CASZ1: variants seen among roughly 807,000 people sequenced by gnomAD.
The protein encoded by CASZ1 is zinc finger protein castor homolog 1.
CASZ1 carries 28 observed loss-of-function variants against 135.2 expected under a neutral mutation model. The observed-to-expected ratio is 0.21, with a 90% CI of 0.15 to 0.28. CASZ1 has a LOEUF of 0.28. CASZ1 is among the 10% of genes least tolerant of loss of function. The pLI is 1.00. For missense variants in CASZ1, 2,161 were observed against 2,453.3 expected (o/e 0.88, Z 2.52); for synonymous variants, 1,068 against 1,073.4 (o/e 0.99, Z 0.10).
At chr1:10,783,733 G>A (rs528070737) in intron 1 of CASZ1, among the ~76,000 whole-genome samples, 7 of 152,008 alleles carry the variant, frequency 4.6e-5, no homozygotes, top group South Asian at 2.1e-4. Flanking sequence ...TTAGCCAGGC[G>A]TGGTGACGCA....
At chr1:10,779,655 G>A (rs1220411238) in intron 1 of CASZ1, among the ~76,000 whole-genome samples, 7 of 152,204 alleles carry the variant, frequency 4.6e-5, no homozygotes, top group Non-Finnish European at 2.9e-5. Context: ...CCTTTCAAGC[G>A]TTCTACAGAA....
intron 5 of CASZ1, 126 bp downstream of exon 5, chr1:10,664,957 G>A: frequency 2.6e-6 from 3 of 1,134,860 alleles, no homozygotes; most frequent in Non-Finnish European, 3.5e-6. Context: ...CCCTCCCTGG[G>A]TGGGATGAGG....
At chr1:10,732,698 G>A (rs1375057493) in intron 2 of CASZ1, among the ~76,000 whole-genome samples, 2 of 152,178 alleles carry the variant, frequency 1.3e-5, no homozygotes, top group Non-Finnish European at 2.9e-5. Flanking sequence ...ACCCGGGGAG[G>A]TGGCCCCTTC....
At chr1:10,661,495 C>T (rs1440098146) in intron 5 of CASZ1, 2 of 149,518 alleles carry the variant, frequency 1.3e-5, no homozygotes, top group African/African-American at 2.5e-5. Context: ...CACATGCACA[C>T]AATCACATAC....
At chr1:10,733,994 C>T (rs1639748530) in intron 2 of CASZ1, among the ~76,000 whole-genome samples, 1 of 152,204 alleles carries the variant, frequency 6.6e-6, no homozygotes, top group African/African-American at 2.4e-5. Context: ...GTGCTAGTCT[C>T]ACCCCTAACA....
chr1:10,642,536 G>A (rs936518349), intron 20 of CASZ1, among the ~76,000 whole-genome samples: 9 of 152,128 alleles, frequency 5.9e-5, no homozygotes, highest in Admixed American at 2.6e-4. Context: ...CAGGTGTGCC[G>A]GGCAGGACCG....
At position 10,639,599 on chromosome 1, in the gene CASZ1, G is replaced by A. The variant is rs750672163; in HGVS notation, c.4623C>T (p.Asp1541=). The A allele has an allele frequency of 2.2e-5, 35 of 1,611,548 alleles. No homozygotes were observed. Among genetic ancestry groups the A allele is most frequent in the Non-Finnish European group, 2.7e-5 (32 of 1,179,828 alleles). Reference sequence around the variant, plus strand: ...GGCAGAAGCCCGCGGCGCTGATCACGTCCTGTTTGCCGTGGTGCTTGCGAT... The same window carrying A: ...GGCAGAAGCCCGCGGCGCTGATCACATCCTGTTTGCCGTGGTGCTTGCGAT... ...TAHRKHHGKQ[D]VISAAGFCQF... Residue 1541 remains aspartate (D), a synonymous_variant, in exon 21 of 21, where the codon GAC becomes GAT. Transcript: ENST00000377022. This position sits in a 1 kb window ranked among gnomAD's most constrained non-coding sequence, Gnocchi z 4.0.
chr1:10,695,577 GCCA>G (rs1296791061), intron 3 of CASZ1, among the ~76,000 whole-genome samples: 107 of 15,572 alleles, frequency 6.9e-3, no homozygotes, highest in African/African-American at 0.022. Flanking sequence ...TCCCCTCCCC[GCCA>G]CCCCCCCCCC....
rs188869902 is a variant in CASZ1, at chr1:10,706,733, G to A, written c.-76-1189C>T. Among the ~76,000 whole-genome samples, 582 of 152,300 alleles carry A rather than the reference G, an allele frequency of 3.8e-3. 2 individuals are homozygous for A. The highest frequency in any genetic ancestry group is 6.8e-3 in the Middle Eastern group (2 of 294). Reference sequence around the variant, plus strand: ...CCGGGCAGAGGGTGCCCACTGGGGCGGAGCCTGCCCTGCCAGATACAGGGC... The same window carrying A: ...CCGGGCAGAGGGTGCCCACTGGGGCAGAGCCTGCCCTGCCAGATACAGGGC... On this transcript the variant is annotated intron_variant, in intron 2 of 20. Coordinates refer to ENST00000377022, the MANE Select transcript of CASZ1 (RefSeq NM_001079843.3). This position sits in a 1 kb window ranked among gnomAD's most constrained non-coding sequence, Gnocchi z 4.3.
At position 10,699,304 on chromosome 1, in the gene CASZ1, C is replaced by T. The variant is rs1639010712; in HGVS notation, c.-23-5392G>A. On this transcript the variant is annotated intron_variant, in intron 3 of 20. Transcript: ENST00000377022. The surrounding 1 kb of genome is among the most constrained non-coding windows in gnomAD (Gnocchi z 4.6). The stretch of plus-strand genomic sequence containing the variant: ...GTGCCCTGGGAGAGGATCACACTTT[C>T]CCCCCATTTCCTTTTAGGGAAGTGC... Among the ~76,000 whole-genome samples, 2 of 152,350 alleles carry T rather than the reference C, an allele frequency of 1.3e-5. No homozygotes were observed. The highest frequency in any genetic ancestry group is 1.5e-5 in the Non-Finnish European group (1 of 68,030).
rs1639464934 is a variant in CASZ1 at position 10,719,949 on chromosome 1, C to T, written c.-76-14405G>A. ...AGTGCAGAGATATGGTGCCTGAACACAGGTCCTCCGACAGCACCAGGGTGC... is the reference window on the plus strand; with the variant it reads ...AGTGCAGAGATATGGTGCCTGAACATAGGTCCTCCGACAGCACCAGGGTGC... On this transcript the variant is annotated intron_variant, in intron 2 of 20. Coordinates refer to ENST00000377022, the MANE Select transcript of CASZ1 (RefSeq NM_001079843.3). The surrounding 1 kb of genome is among the most constrained non-coding windows in gnomAD (Gnocchi z 4.0). 6.6e-6 allele frequency among the ~76,000 whole-genome samples: 1 copy of T among 152,244 alleles called. No individual in the cohort carries two copies.
chr1:10,639,926 C>A lies in CASZ1; in HGVS notation c.4296G>T (p.Glu1432Asp). The change falls in exon 21 of 21, where the codon GAG becomes GAT. Residue 1432 changes from glutamate to aspartate, a missense_variant. Glu to Asp is a conservative substitution (Grantham distance 45). Around this residue, in one of 7 missense-constraint regions of CASZ1, gnomAD observed 240 missense variants for 321.4 expected, o/e 0.75. Transcript: ENST00000377022. The surrounding 1 kb of genome is among the most constrained non-coding windows in gnomAD (Gnocchi z 4.0). Reference protein sequence around the residue: ...RKMLDEGMMLEGFRRFDLYED... With the variant: ...RKMLDEGMMLDGFRRFDLYED... Reference sequence around the variant, plus strand: ...CGTAAAGGTCGAAGCGCCGGAAGCCCTCCAGCATCATGCCCTCGTCCAGCA... The same window carrying A: ...CGTAAAGGTCGAAGCGCCGGAAGCCATCCAGCATCATGCCCTCGTCCAGCA... 1 of 1,612,976 alleles carries A rather than the reference C, an allele frequency of 6.2e-7. No homozygotes were observed. The highest frequency in any genetic ancestry group is 1.6e-4 in the Middle Eastern group (1 of 6,062).
intron 2 of CASZ1, among the ~76,000 whole-genome samples, chr1:10,760,243 T>C (rs982752087): frequency 2.6e-5 from 4 of 152,170 alleles, no homozygotes; most frequent in African/African-American, 9.7e-5. Flanking sequence ...CCTCTGGAGA[T>C]GGAGAAAGGC....
At position 10,639,125 on chromosome 1, in the gene CASZ1, C is replaced by T. The variant is rs568231236; in HGVS notation, c.5097G>A (p.Glu1699=). The T allele has an allele frequency of 4.3e-6, 5 of 1,154,278 alleles. No individual in the cohort carries two copies. In the African/African-American group the frequency reaches 8.4e-5, roughly 19 times the overall value. 71.5% of individuals were successfully genotyped at this position (1,154,278 alleles called of 1,614,324 possible). ...AEDDEDEDDD[E]DDDDEDDDED... Reference sequence around the variant, plus strand: ...CGTCGTCGTCCTCGTCGTCGTCGTCCTCGTCGTCGTCCTCGTCCTCGTCGT... The same window carrying T: ...CGTCGTCGTCCTCGTCGTCGTCGTCTTCGTCGTCGTCCTCGTCCTCGTCGT... The change falls in exon 21 of 21, where the codon GAG becomes GAA. Residue 1699 remains glutamate (E), a synonymous_variant. Coordinates refer to ENST00000377022, the MANE Select transcript of CASZ1 (RefSeq NM_001079843.3). This position sits in a 1 kb window ranked among gnomAD's most constrained non-coding sequence, Gnocchi z 4.0.
rs1303089672 is a variant in CASZ1 at position 10,726,292 on chromosome 1, T to G, written c.-76-20748A>C. Among the ~76,000 whole-genome samples, 1 of 152,056 alleles carries G rather than the reference T, an allele frequency of 6.6e-6. No homozygotes were observed. The highest frequency in any genetic ancestry group is 1.5e-5 in the Non-Finnish European group (1 of 68,000). ...ATGCCCTCATTTACGGAGGAGGAAA[T>G]GAGGCTTGGGGAGGTGAAACCGGGT... On this transcript the variant is annotated intron_variant, in intron 2 of 20. Coordinates refer to ENST00000377022, the MANE Select transcript of CASZ1 (RefSeq NM_001079843.3). The surrounding 1 kb of genome is among the most constrained non-coding windows in gnomAD (Gnocchi z 5.7).
At position 10,654,092 on chromosome 1, in the gene CASZ1, C is replaced by G; in HGVS notation, c.1965G>C (p.Lys655Asn). 3 of 1,614,236 alleles carry G rather than the reference C, an allele frequency of 1.9e-6. 1 individual carries two copies. Among genetic ancestry groups the G allele is most frequent in the Non-Finnish European group, 2.5e-6 (3 of 1,180,044 alleles). Residue 655 changes from lysine to asparagine, a missense_variant, in exon 11 of 21, where the codon AAG (lysine) becomes AAC (asparagine). By Grantham distance (94) the Lys-to-Asn change is moderately conservative. Around this residue, in one of 7 missense-constraint regions of CASZ1, gnomAD observed 248 missense variants for 410.8 expected, o/e 0.60. Coordinates refer to ENST00000377022, the MANE Select transcript of CASZ1 (RefSeq NM_001079843.3). ...FKKFYKYEEC[K>N]YEGCVYSKAT... is the part of the protein sequence containing the mutation. ...CCTTGCTGTACACGCAGCCCTCGTA[C>G]TTGCACTCCTCGTACTTGTAGAACT...
chr1:10,644,909 C>A lies in CASZ1; in HGVS notation c.3868+8G>T. 1 of 1,610,660 alleles carries A rather than the reference C, an allele frequency of 6.2e-7. No homozygotes were observed. The highest frequency in any genetic ancestry group is 1.1e-5 in the South Asian group (1 of 90,786). On this transcript the variant is annotated splice_region_variant and intron_variant, in intron 18 of 20. Coordinates refer to ENST00000377022, the MANE Select transcript of CASZ1 (RefSeq NM_001079843.3). The stretch of plus-strand genomic sequence containing the variant: ...CAAGTCCCTGCCCGCAGCCCCAGCC[C>A]TCGGTACCTAGCCTGCCACACTCCT...
At chr1:10,758,417 C>T (rs1186636654) in intron 2 of CASZ1, among the ~76,000 whole-genome samples, 1 of 151,652 alleles carries the variant, frequency 6.6e-6, no homozygotes, top group Non-Finnish European at 1.5e-5. Flanking sequence ...CTGCAACCTC[C>T]GCCTCCCGGG....
At chr1:10,775,361 A>G (rs1315292221) in intron 1 of CASZ1, among the ~76,000 whole-genome samples, 1 of 148,004 alleles carries the variant, frequency 6.8e-6, no homozygotes, top group Non-Finnish European at 1.5e-5. Flanking sequence ...AGACGACTTG[A>G]TTTTTTTTTT....
Sources: allele counts gnomAD v4.1 joint callset (sites outside exome capture counted in the v4.1 genomes callset), GRCh38; gene constraint gnomAD v4.1.1; regional missense constraint gnomAD v4.1.1; non-coding constraint Gnocchi (gnomAD v3.1); transcripts MANE v1.5; gene names NCBI Gene and HGNC (gene_info 2026-07-23, HGNC 2026-07-21).